The following PPFIBP2 variants were observed in gnomAD, a reference collection of about 807,000 sequenced individuals.
PPFIBP2 encodes the protein liprin-beta-2.
Under a neutral mutation model 118.3 loss-of-function variants are expected in PPFIBP2, and 118 were observed. The observed-to-expected ratio is 1.00, with a 90% CI of 0.86 to 1.16. PPFIBP2 has a LOEUF of 1.16. Among genes scored for constraint, PPFIBP2 ranks in the 50% most tolerant of loss-of-function variants. The probability of loss-of-function intolerance (pLI) is 0.00; values close to 1 mark genes in which losing one functional copy is unlikely to be tolerated. For missense variants in PPFIBP2, 1,195 were observed against 1,073.1 expected, an observed-to-expected ratio of 1.11 and a Z score of -1.59; for synonymous variants, 414 against 397.4, an observed-to-expected ratio of 1.04 and a Z score of -0.50.
chr11:7,663,866 G>A, the PPFIBP2 span, among the ~76,000 whole-genome samples: 5 of 152,192 alleles, frequency 3.3e-5, no homozygotes, highest in Non-Finnish European at 5.9e-5. Context: ...CGTTTTTTAA[G>A]CCCGTCGGAA....
At chr11:7,608,717 ACTCT>A (rs1279649046) in intron 5 of PPFIBP2, among the ~76,000 whole-genome samples, 1 of 152,116 alleles carries the variant, frequency 6.6e-6, no homozygotes, top group Non-Finnish European at 1.5e-5. Flanking sequence ...AGATTTATGT[ACTCT>A]CTCTTGGCCT....
At chr11:7,666,428 A>G in the PPFIBP2 span, 3 of 1,487,788 alleles carry the variant, frequency 2.0e-6, no homozygotes, top group African/African-American at 4.2e-5. Flanking sequence ...ACCCATGGTG[A>G]GTGAGGGCAA....
chr11:7,561,650 A>G (rs1046769189), intron 2 of PPFIBP2, among the ~76,000 whole-genome samples: 2 of 152,206 alleles, frequency 1.3e-5, no homozygotes, highest in Non-Finnish European at 2.9e-5. Flanking sequence ...ATATTTTAGC[A>G]GTGTATGGCA....
chr11:7,577,927 G>T (rs1049471992), intron 3 of PPFIBP2, among the ~76,000 whole-genome samples: 1 of 152,168 alleles, frequency 6.6e-6, no homozygotes, highest in African/African-American at 2.4e-5. Context: ...ACAGTCAGAG[G>T]CTCCAAACAC....
chr11:7,666,396 A>C, the PPFIBP2 span: 7 of 1,136,748 alleles, frequency 6.2e-6, no homozygotes, highest in African/African-American at 1.5e-5. Context: ...CCAGTCCTCA[A>C]AGTGGTCAAG....
chr11:7,564,629 TA>T (rs1243045912), intron 2 of PPFIBP2, among the ~76,000 whole-genome samples: 9 of 152,146 alleles, frequency 5.9e-5, no homozygotes, highest in African/African-American at 2.2e-4. Context: ...ATGATTTGAG[TA>T]GCACTCTGCA....
chr11:7,639,317 T>C (rs1435091359), intron 14 of PPFIBP2, among the ~76,000 whole-genome samples: 2 of 152,190 alleles, frequency 1.3e-5, no homozygotes, highest in Non-Finnish European at 2.9e-5. Context: ...TACATATATA[T>C]GTATGTATGT....
chr11:7,641,116 C>G, intron 15 of PPFIBP2: 1 of 1,220,662 alleles, frequency 8.2e-7, no homozygotes, highest in Non-Finnish European at 1.1e-6. Context: ...CTTTGTTTCC[C>G]TACCCTAACC....
In PPFIBP2 at chr11:7,634,501, G is replaced by T. The variant is rs140820034; in HGVS notation, c.1143G>T (p.Gln381His). Reference protein sequence around the residue: ...LPQKSLETRAQKKLSCSLEDL... With the variant: ...LPQKSLETRAHKKLSCSLEDL... Reference sequence around the variant, plus strand: ...TCTTTTGTGTTTTTTTCAGGGCTCAGAAAAAGCTCTCTTGTAGTCTAGAAG... The same window carrying T: ...TCTTTTGTGTTTTTTTCAGGGCTCATAAAAAGCTCTCTTGTAGTCTAGAAG... The change falls in exon 13 of 24, where the codon CAG (glutamine) becomes CAT (histidine). Residue 381 changes from glutamine to histidine, a missense_variant. By Grantham distance (24) the Gln-to-His change is conservative (BLOSUM62 0). Coordinates refer to ENST00000299492, the MANE Select transcript of PPFIBP2 (RefSeq NM_003621.5). 6.8e-6 allele frequency: 11 copies of T among 1,612,118 alleles called. No homozygotes were observed. The highest frequency in any genetic ancestry group is 1.3e-5 in the African/African-American group (1 of 74,858).
chr11:7,649,920 A>T (rs1024966550), intron 21 of PPFIBP2, among the ~76,000 whole-genome samples: 18 of 152,176 alleles, frequency 1.2e-4, no homozygotes, highest in Non-Finnish European at 4.4e-5. Context: ...GGAGATGAGG[A>T]GATGGTGCAA....
At chr11:7,568,124 C>T (rs1392257390) in intron 3 of PPFIBP2, among the ~76,000 whole-genome samples, 2 of 152,212 alleles carry the variant, frequency 1.3e-5, no homozygotes, top group Non-Finnish European at 2.9e-5. Flanking sequence ...TCCTGCTTGG[C>T]CATGACACTG....
chr11:7,637,427 C>A (rs570816913), intron 14 of PPFIBP2, among the ~76,000 whole-genome samples: 1 of 152,326 alleles, frequency 6.6e-6, no homozygotes, highest in Non-Finnish European at 1.5e-5. Context: ...ATGTTATTTC[C>A]TGGCAAACCT....
downstream of PPFIBP2, chr11:7,656,857 C>A (rs1854737497): frequency 2.5e-6 from 3 of 1,223,564 alleles, no homozygotes; most frequent in South Asian, 1.3e-5. Flanking sequence ...GCCTTTGCTT[C>A]TGTGGGGAGC....
intron 2 of PPFIBP2, among the ~76,000 whole-genome samples, chr11:7,559,764 G>A (rs535782337): frequency 2.0e-5 from 3 of 151,976 alleles, no homozygotes; most frequent in Non-Finnish European, 2.9e-5. Flanking sequence ...TTCACTGGAG[G>A]CATTAAAACC....
chr11:7,662,389 T>A, the PPFIBP2 span, among the ~76,000 whole-genome samples: 1 of 152,184 alleles, frequency 6.6e-6, no homozygotes. Context: ...AAGTGTTTTA[T>A]TTCTCCTTCA....
At position 7,639,868 on chromosome 11, in the gene PPFIBP2, T is replaced by C. The variant is rs180938305; in HGVS notation, c.1373T>C (p.Leu458Pro). ...PDATGSSLLRLRDTESGWDDT... is the reference protein window; with the variant it reads ...PDATGSSLLRPRDTESGWDDT... ...GCCACGGGGAGCAGCCTGCTGAGGC[T>C]GAGTGAGTGTCCAGCCCTGGTGCTG... is the stretch of plus-strand genomic sequence containing the variant. The change falls in exon 15 of 24, where the codon CTG becomes CCG. Residue 458 changes from leucine to proline, a missense_variant and splice_region_variant. Coordinates refer to ENST00000299492, the MANE Select transcript of PPFIBP2 (RefSeq NM_003621.5). 6.2e-7 allele frequency: 1 copy of C among 1,613,702 alleles called. No individual in the cohort carries two copies. The highest frequency in any genetic ancestry group is 2.2e-5 in the East Asian group (1 of 44,870).
chr11:7,577,345 G>GTA lies in PPFIBP2; in HGVS notation c.279+11579_279+11580insAT, dbSNP rs1554958866. 82 of 333,838 alleles carry GTA rather than the reference G, an allele frequency of 2.5e-4. 1 individual carries two copies. Among genetic ancestry groups the GTA allele is most frequent in the Non-Finnish European group, 4.1e-4 (69 of 167,672 alleles). The allele number at this position is 333,838 out of a possible 1,614,324, so 20.7% of individuals were successfully genotyped here. ...CGTGTGTGTGTGTGTGTGTGTGTGTGTGTGTGTTTGTTGGGGTGGTCGGGG... is the reference window on the plus strand; with the variant it reads ...CGTGTGTGTGTGTGTGTGTGTGTGTGTATGTGTGTTTGTTGGGGTGGTCGGGG... On this transcript the variant is annotated intron_variant, in intron 3 of 23. Transcript: ENST00000299492.
At chr11:7,625,266 G>A (rs533383855) in intron 7 of PPFIBP2, among the ~76,000 whole-genome samples, 1 of 152,126 alleles carries the variant, frequency 6.6e-6, no homozygotes, top group Non-Finnish European at 1.5e-5. Flanking sequence ...GTGGAGGGAG[G>A]GAGCCCTTGG....
chr11:7,665,851 A>C, the PPFIBP2 span: 6 of 1,536,014 alleles, frequency 3.9e-6, no homozygotes, highest in Non-Finnish European at 5.2e-6. Flanking sequence ...CAGTACAGCC[A>C]GCTGGAGTTG....
Sources: allele counts gnomAD v4.1 joint callset (sites outside exome capture counted in the v4.1 genomes callset), GRCh38; gene constraint gnomAD v4.1.1; transcripts MANE v1.5; gene names NCBI Gene and HGNC (gene_info 2026-07-23, HGNC 2026-07-21).